Variants in FAM81A observed in about 807,000 individuals in gnomAD.
The protein encoded by FAM81A is family with sequence similarity 81 member A, also known as protein FAM81A.
FAM81A carries 19 observed loss-of-function variants against 46.7 expected under a neutral mutation model. The ratio of observed to expected loss-of-function variants is 0.41; its 90% CI spans 0.28 to 0.60. The LOEUF is 0.60. FAM81A is among the 20% of genes least tolerant of loss of function. The probability of loss-of-function intolerance (pLI) is 0.34; values close to 1 mark genes in which losing one functional copy is unlikely to be tolerated. For synonymous variants in FAM81A, 183 were observed against 152.9 expected (o/e 1.20, Z -1.45); for missense variants, 377 against 453.5 (o/e 0.83, Z 1.53).
At chr15:59,451,587 C>T (rs1215036555) in intron 1 of FAM81A, among the ~76,000 whole-genome samples, 2 of 151,982 alleles carry the variant, frequency 1.3e-5, no homozygotes, top group African/African-American at 4.8e-5. Context: ...CGAGTAGCTG[C>T]GATAACAGGT....
At chr15:59,437,674 A>C (rs2081252650), upstream of FAM81A, among the ~76,000 whole-genome samples, 1 of 152,088 alleles carries the variant, frequency 6.6e-6, no homozygotes, top group Non-Finnish European at 1.5e-5. Flanking sequence ...ACCGTGGCCT[A>C]ATCAAATAAC....
intron 4 of FAM81A, among the ~76,000 whole-genome samples, chr15:59,506,070 A>T (rs1357082005): frequency 1.3e-5 from 2 of 152,152 alleles, no homozygotes; most frequent in Non-Finnish European, 2.9e-5. Context: ...ACTGGGTGTG[A>T]CCATCTGTAA....
intron 2 of FAM81A, chr15:59,402,461 C>T (rs1047940181): frequency 1.3e-5 from 2 of 152,252 alleles, no homozygotes; most frequent in South Asian, 2.1e-4. Context: ...CAACGAGTTA[C>T]AGACTAGTGG....
intron 1 of FAM81A, among the ~76,000 whole-genome samples, chr15:59,450,744 C>G (rs181318510): frequency 3.2e-4 from 49 of 152,310 alleles, no homozygotes; most frequent in African/African-American, 1.1e-3. Context: ...CTTCAATATT[C>G]TTTTAAGATT....
At chr15:59,516,894 C>G (rs898159984) in intron 8 of FAM81A, 54 bp downstream of exon 8, 1 of 1,468,426 alleles carries the variant, frequency 6.8e-7, no homozygotes. Context: ...GTTCTAAAAC[C>G]TATTAATTAG....
In FAM81A at chr15:59,422,029, T is replaced by A. The variant is rs549750075; in HGVS notation, c.-78+19671T>A. ...TAAACAAAATAAGGTACATAACAGG[T>A]GTTCATTGTATTTTTTTTAATTGAG... On this transcript the variant is annotated intron_variant, in intron 2 of 4. Coordinates refer to the FAM81A transcript ENST00000558348. 7.6e-4 allele frequency among the ~76,000 whole-genome samples: 115 copies of A among 151,998 alleles called. 2 individuals are homozygous for A. The highest frequency in any genetic ancestry group is 2.6e-3 in the African/African-American group (108 of 41,442).
At chr15:59,506,681 G>A (rs1447276934) in intron 4 of FAM81A, among the ~76,000 whole-genome samples, 1 of 152,188 alleles carries the variant, frequency 6.6e-6, no homozygotes, top group East Asian at 1.9e-4. Flanking sequence ...GAGTACCATT[G>A]GATCTGCCAA....
intron 8 of FAM81A, 56 bp from the exon 9 acceptor site, chr15:59,521,198 T>C: frequency 6.4e-7 from 1 of 1,572,646 alleles, no homozygotes; most frequent in Non-Finnish European, 8.6e-7. Flanking sequence ...CTATAGAATT[T>C]GATACAGCAT....
Position 59,510,918 on chromosome 15 carries a change from C to T in FAM81A, c.650+1949C>T, listed in dbSNP as rs886630642. 9.3e-5 allele frequency among the ~76,000 whole-genome samples: 14 copies of T among 150,772 alleles called. No individual in the cohort carries two copies. In the East Asian group the frequency reaches 1.6e-3, roughly 17 times the overall value. On this transcript the variant is annotated intron_variant, in intron 6 of 8. Coordinates refer to ENST00000288228, the MANE Select transcript of FAM81A (RefSeq NM_152450.3). ...ATCCCAGCACTTTGGAAGGTTGAGG[C>T]GGGCAGATCACCTGAGGTCAGGAAT...
At chr15:59,503,997 A>G (rs768890756) in intron 4 of FAM81A, among the ~76,000 whole-genome samples, 7 of 152,210 alleles carry the variant, frequency 4.6e-5, no homozygotes, top group Non-Finnish European at 1.0e-4. Context: ...TTCAAACTAC[A>G]TTTTAAAACA....
chr15:59,471,839 A>G (rs1303112711), intron 3 of FAM81A, among the ~76,000 whole-genome samples: 1 of 152,110 alleles, frequency 6.6e-6, no homozygotes, highest in African/African-American at 2.4e-5. Context: ...CATGTTTACT[A>G]AGGACAAGGA....
intron 2 of FAM81A, chr15:59,407,610 T>C (rs1224024543): frequency 6.1e-6 from 1 of 162,930 alleles, no homozygotes; most frequent in Non-Finnish European, 1.3e-5. Context: ...TCACCCACTT[T>C]CCAGATGAGG....
intron 1 of FAM81A, chr15:59,440,101 C>G (rs758745672): frequency 2.0e-5 from 3 of 152,254 alleles, no homozygotes; most frequent in Non-Finnish European, 4.4e-5. Context: ...TGCACCATCA[C>G]CAACCAAGTC....
chr15:59,478,907 G>A (rs1297250481), intron 3 of FAM81A, among the ~76,000 whole-genome samples: 1 of 152,208 alleles, frequency 6.6e-6, no homozygotes, highest in African/African-American at 2.4e-5. Context: ...ATTGATAACA[G>A]CTTAAACCAA....
chr15:59,444,525 C>T (rs4592597), intron 1 of FAM81A, among the ~76,000 whole-genome samples: 81,770 of 152,028 alleles, frequency 0.54, 22,639 homozygotes, highest in Non-Finnish European at 0.62. Flanking sequence ...GTTCTTCACA[C>T]GCCAAATGAG....
chr15:59,477,043 C>G (rs2081780038), intron 3 of FAM81A, among the ~76,000 whole-genome samples: 1 of 151,560 alleles, frequency 6.6e-6, no homozygotes, highest in Admixed American at 6.6e-5. Context: ...TCACTTGAAC[C>G]CAGGAGGCGG....
chr15:59,453,343 A>G (rs1402697778), intron 1 of FAM81A, among the ~76,000 whole-genome samples: 4 of 152,236 alleles, frequency 2.6e-5, no homozygotes, highest in Non-Finnish European at 5.9e-5. Flanking sequence ...AATGTTGATA[A>G]TAAGAGTATA....
intron 5 of FAM81A, 98 bp downstream of exon 5, chr15:59,507,440 G>C (rs1352480756): frequency 6.9e-7 from 1 of 1,459,052 alleles, no homozygotes; most frequent in East Asian, 2.5e-5. Context: ...ACCAGCTGGG[G>C]CATCTAGCAT....
chr15:59,419,429 G>C lies in FAM81A; in HGVS notation c.-78+17071G>C, dbSNP rs1175668252. On this transcript the variant is annotated intron_variant, in intron 2 of 4. Coordinates refer to the FAM81A transcript ENST00000558348. Reference sequence around the variant, plus strand: ...TATGAAATTGCAACACGTTCATCAAGGACCATTTTAAGTTTCCTCTCCTCT... The same window carrying C: ...TATGAAATTGCAACACGTTCATCAACGACCATTTTAAGTTTCCTCTCCTCT... Among the ~76,000 whole-genome samples, 3 of 152,130 alleles carry C rather than the reference G, an allele frequency of 2.0e-5. No homozygotes were observed. The East Asian group carries it at 5.8e-4, about 29-fold the overall frequency.
Sources: gnomAD v4.1 joint callset for allele counts (sites outside exome capture counted in the v4.1 genomes callset) on GRCh38, gnomAD v4.1.1 for gene constraint, MANE v1.5 for transcripts, NCBI Gene and HGNC (gene_info 2026-07-23, HGNC 2026-07-21) for gene names.